Variants in TRPM3 observed in about 807,000 individuals in gnomAD.
The protein encoded by TRPM3 is long transient receptor potential channel 3.
Under a neutral mutation model 181.2 loss-of-function variants are expected in TRPM3, and 77 were observed. That is an observed-to-expected ratio of 0.42 (90% CI 0.35 to 0.51). The LOEUF (loss-of-function observed/expected upper bound fraction) is 0.51, where lower values mean the gene tolerates loss of function less well. Ranked by LOEUF, TRPM3 falls within the 20% of genes least tolerant of loss-of-function variation. The probability of loss-of-function intolerance (pLI) is 0.01; values close to 1 mark genes in which losing one functional copy is unlikely to be tolerated. For missense variants in TRPM3, 1,759 were observed against 2,196.7 expected (o/e 0.80, Z 3.98); for synonymous variants, 745 against 796.4 (o/e 0.94, Z 1.09).
intron 1 of TRPM3, among the ~76,000 whole-genome samples, chr9:71,385,977 G>A (rs958913638): frequency 6.6e-6 from 1 of 151,998 alleles, no homozygotes; most frequent in African/African-American, 2.4e-5. Context: ...AAAGTGCTGG[G>A]ATTACAGGCG....
chr9:71,315,002 T>C (rs1201507545), intron 1 of TRPM3, among the ~76,000 whole-genome samples: 3 of 152,138 alleles, frequency 2.0e-5, no homozygotes, highest in Non-Finnish European at 4.4e-5. Flanking sequence ...TTGTACAAGG[T>C]TCTTGGCCAC....
chr9:71,225,810 C>A (rs1279450738), intron 1 of TRPM3, among the ~76,000 whole-genome samples: 1 of 151,714 alleles, frequency 6.6e-6, no homozygotes, highest in Non-Finnish European at 1.5e-5. Context: ...GCACCCACCA[C>A]CATGACCCAC....
intron 1 of TRPM3, among the ~76,000 whole-genome samples, chr9:70,895,658 C>T (rs2096270392): frequency 6.6e-6 from 1 of 152,024 alleles, no homozygotes; most frequent in African/African-American, 2.4e-5. Flanking sequence ...ATACCATTTT[C>T]AATGAATTTC....
At chr9:70,874,100 ATAAAT>A (rs1055886791) in intron 1 of TRPM3, among the ~76,000 whole-genome samples, 7 of 151,984 alleles carry the variant, frequency 4.6e-5, no homozygotes, top group South Asian at 2.1e-4. Context: ...ATTTACAATG[ATAAAT>A]TAAACTCATG....
Position 70,917,028 on chromosome 9 carries a change from T to C in TRPM3, c.178-52517A>G, listed in dbSNP as rs544306773. ...CTGGGACAAACAAGGTGAGTGGGTATAGAGACTGGTATGTCGCTAAGGCAA... is the reference window on the plus strand; with the variant it reads ...CTGGGACAAACAAGGTGAGTGGGTACAGAGACTGGTATGTCGCTAAGGCAA... On this transcript the variant is annotated intron_variant, in intron 1 of 25. Transcript: ENST00000677713. 103 of 1,576,904 alleles carry C rather than the reference T, an allele frequency of 6.5e-5. 1 individual carries two copies. The highest frequency in any genetic ancestry group is 2.7e-4 in the Admixed American group (16 of 59,706).
chr9:71,418,813 C>CTATATA (rs67074520), intron 1 of TRPM3, among the ~76,000 whole-genome samples: 56,176 of 112,860 alleles, frequency 0.5, 12,786 homozygotes, highest in Non-Finnish European at 0.62. Context: ...TATATATATA[C>CTATATA]TATATATATA....
chr9:71,069,907 G>A (rs978698024), intron 1 of TRPM3, among the ~76,000 whole-genome samples: 3 of 144,974 alleles, frequency 2.1e-5, no homozygotes, highest in African/African-American at 7.3e-5. Flanking sequence ...AGTGCCCAGC[G>A]AAAATTAATT....
intron 8 of TRPM3, among the ~76,000 whole-genome samples, chr9:70,688,266 AGACTGCTGATGTCACACTCCC>A (rs2067506493): frequency 6.6e-6 from 1 of 150,756 alleles, no homozygotes; most frequent in East Asian, 2.0e-4. Flanking sequence ...GGGCATTCAA[AGACTGCTGATGTCACACTCCC>A]AAAACTTTAA....
At chr9:70,541,627 T>C (rs1365860144) in intron 25 of TRPM3, among the ~76,000 whole-genome samples, 1 of 151,728 alleles carries the variant, frequency 6.6e-6, no homozygotes, top group Non-Finnish European at 1.5e-5. Context: ...TTCTCCTGCC[T>C]CAGTCTCCTG....
chr9:71,068,941 T>C (rs908090405), intron 1 of TRPM3, among the ~76,000 whole-genome samples: 4 of 152,198 alleles, frequency 2.6e-5, no homozygotes, highest in African/African-American at 9.6e-5. Context: ...AAGATAGAGA[T>C]GATCATGGAA....
At chr9:71,162,348 C>A (rs1355327105) in intron 1 of TRPM3, among the ~76,000 whole-genome samples, 1 of 151,874 alleles carries the variant, frequency 6.6e-6, no homozygotes, top group Non-Finnish European at 1.5e-5. Context: ...ACCTACCATA[C>A]AATAATAATT....
At chr9:70,967,782 T>C (rs1474774347) in intron 1 of TRPM3, among the ~76,000 whole-genome samples, 1 of 152,134 alleles carries the variant, frequency 6.6e-6, no homozygotes, top group African/African-American at 2.4e-5. Context: ...GAGGGTGATT[T>C]ATATAGGGTT....
At chr9:71,249,344 G>T (rs1455856730) in intron 1 of TRPM3, among the ~76,000 whole-genome samples, 1 of 152,180 alleles carries the variant, frequency 6.6e-6, no homozygotes, top group Non-Finnish European at 1.5e-5. Flanking sequence ...GAGCTTTGAT[G>T]TGATTGTATA....
Position 70,610,707 on chromosome 9 carries a change from CCTT to C in TRPM3, c.2566_2568del (p.Lys856del). On this transcript the variant is annotated inframe_deletion, in exon 19 of 26. Coordinates refer to ENST00000677713, the MANE Select transcript of TRPM3 (RefSeq NM_001366145.2). ...TGCTTGCTCTGAACTTCCTCTTCAT[CCTT>C]CTTCCTGGAGGACTCCCCGTTGTTT... 1 of 1,614,174 alleles carries C rather than the reference CCTT, an allele frequency of 6.2e-7. No homozygotes were observed. Among genetic ancestry groups the C allele is most frequent in the South Asian group, 1.1e-5 (1 of 91,084 alleles).
intron 1 of TRPM3, among the ~76,000 whole-genome samples, chr9:71,194,079 A>G (rs1472275579): frequency 1.3e-5 from 2 of 151,904 alleles, no homozygotes; most frequent in African/African-American, 4.8e-5. Flanking sequence ...ACTGTTTACA[A>G]TTTTTGTAAT....
intron 22 of TRPM3, among the ~76,000 whole-genome samples, chr9:70,574,642 T>C (rs2053443510): frequency 6.6e-6 from 1 of 152,214 alleles, no homozygotes; most frequent in African/African-American, 2.4e-5. Context: ...GGCAGGAGCT[T>C]CATCAGTTTT....
In TRPM3 at chr9:70,942,201, C is replaced by T. The variant is rs546765762; in HGVS notation, c.178-77690G>A. Among the ~76,000 whole-genome samples, 8 of 152,256 alleles carry T rather than the reference C, an allele frequency of 5.3e-5. No homozygotes were observed. In the South Asian group the frequency reaches 1.7e-3, roughly 32 times the overall value. On this transcript the variant is annotated intron_variant, in intron 1 of 25. Coordinates refer to ENST00000677713, the MANE Select transcript of TRPM3 (RefSeq NM_001366145.2). ...CAATCTTCCTTCCTAAAAGTCTAAT[C>T]CAGGACCATTTCCTCTTATATTCTT...
intron 22 of TRPM3, among the ~76,000 whole-genome samples, chr9:70,584,037 G>C (rs930588747): frequency 3.9e-5 from 6 of 151,972 alleles, no homozygotes; most frequent in Non-Finnish European, 8.8e-5. Context: ...AAACTCCTCT[G>C]CTTTCTTGTA....
chr9:71,061,760 G>A (rs1175037147), intron 1 of TRPM3, among the ~76,000 whole-genome samples: 1 of 152,046 alleles, frequency 6.6e-6, no homozygotes, highest in Non-Finnish European at 1.5e-5. Flanking sequence ...GGAAGCTTGT[G>A]CTTAGTATCC....
Sources: allele counts gnomAD v4.1 joint callset (sites outside exome capture counted in the v4.1 genomes callset), GRCh38; gene constraint gnomAD v4.1.1; transcripts MANE v1.5; gene names NCBI Gene and HGNC (gene_info 2026-07-23, HGNC 2026-07-21).